Variants in EHMT2 observed in about 807,000 individuals in gnomAD.
EHMT2 encodes the protein euchromatic histone lysine methyltransferase 2.
EHMT2 carries 59 observed loss-of-function variants against 143.3 expected under a neutral mutation model. That is an observed-to-expected ratio of 0.41 (90% CI 0.33 to 0.51). EHMT2 has a LOEUF of 0.51. Ranked by LOEUF, EHMT2 falls within the 20% of genes least tolerant of loss-of-function variation. The pLI is 0.18. For missense variants in EHMT2, 1,174 were observed against 1,645.9 expected (o/e 0.71, Z 4.96); for synonymous variants, 604 against 651.5 (o/e 0.93, Z 1.11).
At chr6:31,890,213 G>T (rs986730992) in intron 7 of EHMT2, among the ~76,000 whole-genome samples, 1 of 151,928 alleles carries the variant, frequency 6.6e-6, no homozygotes, top group Non-Finnish European at 1.5e-5. Flanking sequence ...AAATTCTGTA[G>T]GACAACTGAG....
At position 31,883,695 on chromosome 6, in the gene EHMT2, C is replaced by T. The variant is rs745858622; in HGVS notation, c.2916+111G>A. On this transcript the variant is annotated intron_variant, in intron 22 of 27. Transcript: ENST00000375537. The surrounding 1 kb of genome is among the most constrained non-coding windows in gnomAD (Gnocchi z 5.6). The stretch of plus-strand genomic sequence containing the variant: ...GGGATGCGACCCCACACCAGGGCTC[C>T]CTTTCAGCCAACCCTTCCTTGGCCA... 36 of 1,457,056 alleles carry T rather than the reference C, an allele frequency of 2.5e-5. No homozygotes were observed. In the Middle Eastern group the frequency reaches 1.7e-3, roughly 69 times the overall value. The allele number at this position is 1,457,056 out of a possible 1,614,324, so 90.3% of individuals were successfully genotyped here.
chr6:31,896,412 G>T, exon 4 of EHMT2: 1 of 1,612,988 alleles, frequency 6.2e-7, no homozygotes, highest in Non-Finnish European at 8.5e-7. Context: ...GCCAAACTCT[G>T]GACAGATGGA....
chr6:31,888,398 G>C lies in EHMT2; in HGVS notation c.1474C>G (p.His492Asp). ...AAGTAGCCGCAGCCCGGGCAGCAGTGGTGTTTGACCATGCGGGCGCGGTGG... is the reference window on the plus strand; with the variant it reads ...AAGTAGCCGCAGCCCGGGCAGCAGTCGTGTTTGACCATGCGGGCGCGGTGG... The change falls in exon 12 of 28, where the codon CAC becomes GAC. Residue 492 changes from histidine (H) to aspartate (D), a missense_variant. His to Asp is a moderately conservative substitution (Grantham distance 81, BLOSUM62 -1). Transcript: ENST00000375537. The surrounding 1 kb of genome is among the most constrained non-coding windows in gnomAD (Gnocchi z 7.4). The C allele has an allele frequency of 6.2e-7, 1 of 1,612,874 alleles. No individual in the cohort carries two copies. The highest frequency in any genetic ancestry group is 8.5e-7 in the Non-Finnish European group (1 of 1,179,920).
At chr6:31,887,511 G>C in intron 15 of EHMT2, 66 bp downstream of exon 15, 1 of 1,436,218 alleles carries the variant, frequency 7.0e-7, no homozygotes, top group Non-Finnish European at 9.8e-7. Flanking sequence ...TCCTGGCCCT[G>C]TACCCAGTGC....
chr6:31,896,566 G>T, intron 3 of EHMT2, 40 bp downstream of exon 3: 1 of 1,598,306 alleles, frequency 6.3e-7, no homozygotes, highest in Middle Eastern at 1.7e-4. Context: ...GCAAGAGTCA[G>T]AAATTTCCCA....
rs1369034851 is a variant in EHMT2 at position 31,883,196 on chromosome 6, G to GCTGTCCCAGCCA, written c.2994+154_2994+165dup. On this transcript the variant is annotated intron_variant, in intron 23 of 27. Transcript: ENST00000375537. This position sits in a 1 kb window ranked among gnomAD's most constrained non-coding sequence, Gnocchi z 5.6. Reference sequence around the variant, plus strand: ...GCATAGACCTGGGCACACGCCCATCGCTGTCCCAGCCACATCCCAGGATTC... The same window carrying GCTGTCCCAGCCA: ...GCATAGACCTGGGCACACGCCCATCGCTGTCCCAGCCACTGTCCCAGCCACATCCCAGGATTC... 1.2e-6 allele frequency: 1 copy of GCTGTCCCAGCCA among 867,374 alleles called. No homozygotes were observed. Among genetic ancestry groups the GCTGTCCCAGCCA allele is most frequent in the Non-Finnish European group, 1.8e-6 (1 of 546,032 alleles). 53.7% of individuals were successfully genotyped at this position (867,374 alleles called of 1,614,324 possible).
Position 31,881,417 on chromosome 6 carries a change from C to A in EHMT2, c.3198-325G>T. 4 of 459,178 alleles carry A rather than the reference C, an allele frequency of 8.7e-6. No homozygotes were observed. The highest frequency in any genetic ancestry group is 2.3e-5 in the South Asian group (1 of 43,920). The allele number at this position is 459,178 out of a possible 1,614,324, so 28.4% of individuals were successfully genotyped here. The stretch of plus-strand genomic sequence containing the variant: ...CCAGGAGCCACCCGGCAGGAATGGG[C>A]GATATGGAACAGGAGAGGGGCCAGG... On this transcript the variant is annotated intron_variant, in intron 25 of 27. Transcript: ENST00000375537. The surrounding 1 kb of genome is among the most constrained non-coding windows in gnomAD (Gnocchi z 4.8).
chr6:31,887,663 C>T lies in EHMT2; in HGVS notation c.1929-4G>A. 3 of 1,612,818 alleles carry T rather than the reference C, an allele frequency of 1.9e-6. No individual in the cohort carries two copies. Among genetic ancestry groups the T allele is most frequent in the South Asian group, 1.1e-5 (1 of 91,088 alleles). On this transcript the variant is annotated splice_region_variant and splice_polypyrimidine_tract_variant and intron_variant, in intron 14 of 27. Coordinates refer to ENST00000375537, the Ensembl canonical transcript of EHMT2. Reference sequence around the variant, plus strand: ...GTGGAAACGGAGCTTCTTCCGCCTGCCAAGGGAGCACGGGAGCGGGGAGAG... The same window carrying T: ...GTGGAAACGGAGCTTCTTCCGCCTGTCAAGGGAGCACGGGAGCGGGGAGAG...
Position 31,882,690 on chromosome 6 carries a change from G to C in EHMT2, c.3197+9C>G. On this transcript the variant is annotated intron_variant, in intron 25 of 27. Coordinates refer to ENST00000375537, the Ensembl canonical transcript of EHMT2. ...CCCACCAGGTGTTAAGGTGCTCCCG[G>C]TGACTTACTCGCAGATGAAGGTCCC... 6.2e-7 allele frequency: 1 copy of C among 1,611,394 alleles called. No individual in the cohort carries two copies. The highest frequency in any genetic ancestry group is 2.2e-5 in the East Asian group (1 of 44,828).
In EHMT2 at chr6:31,889,426, T is replaced by C. The variant is rs374489549; in HGVS notation, c.999+42A>G. 1.1e-5 allele frequency: 18 copies of C among 1,609,328 alleles called. No individual in the cohort carries two copies. The African/African-American group carries it at 1.6e-4, about 14-fold the overall frequency. On this transcript the variant is annotated intron_variant, in intron 8 of 27. Coordinates refer to ENST00000375537, the Ensembl canonical transcript of EHMT2. This position sits in a 1 kb window ranked among gnomAD's most constrained non-coding sequence, Gnocchi z 5.1. ...CTTCAGGACCAGACCTCCAGCCCCATAGTCTCCCACTCCTCTGGAGATATC... is the reference window on the plus strand; with the variant it reads ...CTTCAGGACCAGACCTCCAGCCCCACAGTCTCCCACTCCTCTGGAGATATC...
rs116190722 is a variant in EHMT2 at position 31,883,135 on chromosome 6, C to T, written c.2995-126G>A. ...GGGAGGTCACACAGGCTCTGAGATCCGAGAGCACGAAATGCAGGAGCATCA... is the reference window on the plus strand; with the variant it reads ...GGGAGGTCACACAGGCTCTGAGATCTGAGAGCACGAAATGCAGGAGCATCA... On this transcript the variant is annotated intron_variant, in intron 23 of 27. Coordinates refer to ENST00000375537, the Ensembl canonical transcript of EHMT2. The surrounding 1 kb of genome is among the most constrained non-coding windows in gnomAD (Gnocchi z 5.6). The T allele has an allele frequency of 9.7e-6, 9 of 923,280 alleles. No individual in the cohort carries two copies. Among genetic ancestry groups the T allele is most frequent in the African/African-American group, 4.9e-5 (3 of 60,868 alleles). The allele number at this position is 923,280 out of a possible 1,614,324, so 57.2% of individuals were successfully genotyped here. A position where few individuals can be genotyped will look rare whatever the true frequency, so the allele number is the denominator to read the frequency against.
rs1765449467 is a variant in EHMT2 at position 31,889,763 on chromosome 6, T to C, written c.865-161A>G. ...GACAAAGGGCCACATAAAGAGAGGG[T>C]GCATGGAATATTACACAGCAGTGAA... On this transcript the variant is annotated intron_variant, in intron 7 of 27. Transcript: ENST00000375537. The surrounding 1 kb of genome is among the most constrained non-coding windows in gnomAD (Gnocchi z 5.1). 6.6e-6 allele frequency among the ~76,000 whole-genome samples: 1 copy of C among 151,994 alleles called. No homozygotes were observed. The highest frequency in any genetic ancestry group is 2.1e-4 in the South Asian group (1 of 4,830).
At position 31,880,129 on chromosome 6, in the gene EHMT2, A is replaced by C. The variant is rs1272421620; in HGVS notation, c.3588T>G (p.Pro1196=). The C allele has an allele frequency of 1.2e-6, 2 of 1,612,954 alleles. No individual in the cohort carries two copies. Among genetic ancestry groups the C allele is most frequent in the East Asian group, 2.2e-5 (1 of 44,882 alleles). The change falls in exon 28 of 28, where the codon CCT becomes CCG. Residue 1196 remains proline, a synonymous_variant. Transcript: ENST00000375537. This position sits in a 1 kb window ranked among gnomAD's most constrained non-coding sequence, Gnocchi z 6.6. ...GGGAGCCGAGCTCGGGCAGCAGCTC[A>C]GGGTGTGGGTCCAGGCGGGCCAGAC...
intron 25 of EHMT2, 127 bp downstream of exon 25, chr6:31,882,572 T>C: frequency 2.1e-6 from 2 of 941,514 alleles, no homozygotes; most frequent in South Asian, 1.5e-5. Flanking sequence ...CAGAGGAGGC[T>C]GGCTGGAGAG....
chr6:31,891,630 G>A (rs558123458), intron 7 of EHMT2, among the ~76,000 whole-genome samples: 5 of 152,090 alleles, frequency 3.3e-5, no homozygotes, highest in Admixed American at 3.3e-4. Context: ...AAGTTTTCAT[G>A]ATAAAATGTT....
chr6:31,887,997 G>A (rs754866725), intron 13 of EHMT2, 36 bp from the exon 14 acceptor site: 23 of 1,569,878 alleles, frequency 1.5e-5, no homozygotes, highest in Non-Finnish European at 2.0e-5. Context: ...GGAGCAATAG[G>A]GGTGGGGGAG....
In EHMT2 at chr6:31,884,186, A is replaced by T. The variant is rs540570298; in HGVS notation, c.2771+206T>A. 2.8e-6 allele frequency: 2 copies of T among 714,368 alleles called. No homozygotes were observed. The highest frequency in any genetic ancestry group is 3.6e-5 in the African/African-American group (2 of 56,100). The allele number at this position is 714,368 out of a possible 1,614,324, so 44.3% of individuals were successfully genotyped here. ...ACACTAAAAAAGTATGCATCTGTGCATCTGAAATTCCAGTTTAACTGGGTG... is the reference window on the plus strand; with the variant it reads ...ACACTAAAAAAGTATGCATCTGTGCTTCTGAAATTCCAGTTTAACTGGGTG... On this transcript the variant is annotated intron_variant, in intron 21 of 27. Coordinates refer to ENST00000375537, the Ensembl canonical transcript of EHMT2. The surrounding 1 kb of genome is among the most constrained non-coding windows in gnomAD (Gnocchi z 7.3).
Position 31,888,535 on chromosome 6 carries a change from G to A in EHMT2, c.1366-29C>T, listed in dbSNP as rs776410709. ...TGCGCAGTGAGGATGGGTGAGAAGA[G>A]AGCGTGAGGCTGGGGCCGGGGACTG... On this transcript the variant is annotated intron_variant, in intron 11 of 27. Transcript: ENST00000375537. The surrounding 1 kb of genome is among the most constrained non-coding windows in gnomAD (Gnocchi z 7.4). 5 of 1,610,458 alleles carry A rather than the reference G, an allele frequency of 3.1e-6. No homozygotes were observed. The highest frequency in any genetic ancestry group is 2.2e-5 in the East Asian group (1 of 44,824).
chr6:31,883,506 C>T lies in EHMT2; in HGVS notation c.2917-67G>A. On this transcript the variant is annotated intron_variant, in intron 22 of 27. Coordinates refer to ENST00000375537, the Ensembl canonical transcript of EHMT2. This position sits in a 1 kb window ranked among gnomAD's most constrained non-coding sequence, Gnocchi z 5.6. ...TCTGGGCCCCTCTACTCTTGATGCCCCCTGACCCCCTAACCACTGTCCTTT... is the reference window on the plus strand; with the variant it reads ...TCTGGGCCCCTCTACTCTTGATGCCTCCTGACCCCCTAACCACTGTCCTTT... 7.4e-6 allele frequency: 11 copies of T among 1,479,470 alleles called. No individual in the cohort carries two copies. The highest frequency in any genetic ancestry group is 9.3e-6 in the Non-Finnish European group (10 of 1,075,744). The allele number at this position is 1,479,470 out of a possible 1,614,324, so 91.6% of individuals were successfully genotyped here.
Sources: gnomAD v4.1 joint callset for allele counts (sites outside exome capture counted in the v4.1 genomes callset) on GRCh38, gnomAD v4.1.1 for gene constraint, Gnocchi (gnomAD v3.1) non-coding constraint, MANE v1.5 for transcripts, NCBI Gene and HGNC (gene_info 2026-07-23, HGNC 2026-07-21) for gene names.